The following ZSWIM6 variants were observed in gnomAD, a reference collection of about 807,000 sequenced individuals.
ZSWIM6 encodes the protein zinc finger SWIM domain-containing protein 6.
In ZSWIM6, 9 loss-of-function variants were observed where a neutral mutation model predicts 113.2. The ratio of observed to expected loss-of-function variants is 0.08; its 90% CI spans 0.05 to 0.14. The LOEUF (loss-of-function observed/expected upper bound fraction) is 0.14. Ranked by LOEUF, ZSWIM6 falls within the 10% of genes least tolerant of loss-of-function variation. The pLI, the probability that ZSWIM6 is intolerant of heterozygous loss-of-function variation, is 1.00. For missense variants in ZSWIM6, 1,162 were observed against 1,552.2 expected (o/e 0.75, Z 4.22); for synonymous variants, 611 against 606.5 (o/e 1.01, Z -0.11).
chr5:61,403,549 G>A (rs923111700), intron 1 of ZSWIM6, among the ~76,000 whole-genome samples: 10 of 152,220 alleles, frequency 6.6e-5, no homozygotes, highest in African/African-American at 2.2e-4. Context: ...TTTATTTCTC[G>A]CATGGGTGCC....
At chr5:61,371,492 G>T (rs935987566) in intron 1 of ZSWIM6, among the ~76,000 whole-genome samples, 1 of 152,156 alleles carries the variant, frequency 6.6e-6, no homozygotes, top group African/African-American at 2.4e-5. Flanking sequence ...ATTTTATTAG[G>T]CATATTAGCT....
intron 1 of ZSWIM6, among the ~76,000 whole-genome samples, chr5:61,377,576 G>A (rs1745397495): frequency 6.6e-6 from 1 of 152,020 alleles, no homozygotes; most frequent in Admixed American, 6.6e-5. Context: ...AATTAGCCGG[G>A]CGTGGCGGCA....
chr5:61,466,052 A>G (rs1363810894), intron 1 of ZSWIM6, among the ~76,000 whole-genome samples: 1 of 152,194 alleles, frequency 6.6e-6, no homozygotes, highest in East Asian at 1.9e-4. Flanking sequence ...ATGATATTTC[A>G]TACAAGTTTC....
At chr5:61,514,416 A>G (rs1748878080) in intron 4 of ZSWIM6, among the ~76,000 whole-genome samples, 1 of 151,934 alleles carries the variant, frequency 6.6e-6, no homozygotes. Flanking sequence ...GTGATGCTGA[A>G]TAGAAGTGGT....
intron 1 of ZSWIM6, among the ~76,000 whole-genome samples, chr5:61,335,429 T>C (rs781231397): frequency 1.4e-4 from 21 of 152,272 alleles, no homozygotes; most frequent in Non-Finnish European, 2.6e-4. Flanking sequence ...AGAACACTTA[T>C]GATCAGGGTT....
chr5:61,423,798 A>G (rs755273008), intron 1 of ZSWIM6, among the ~76,000 whole-genome samples: 3 of 152,248 alleles, frequency 2.0e-5, no homozygotes, highest in Non-Finnish European at 4.4e-5. Context: ...AGACTTCTTC[A>G]TATGTTTGAA....
intron 1 of ZSWIM6, among the ~76,000 whole-genome samples, chr5:61,333,225 C>G (rs978549327): frequency 5.3e-5 from 8 of 152,060 alleles, no homozygotes; most frequent in Admixed American, 5.2e-4. Context: ...CGCTCCCCTA[C>G]CCGCCCTCCT....
intron 4 of ZSWIM6, among the ~76,000 whole-genome samples, chr5:61,517,399 T>C (rs940072548): frequency 1.3e-5 from 2 of 152,174 alleles, no homozygotes; most frequent in African/African-American, 4.8e-5. Context: ...ATCTCCGTTC[T>C]GCTATTGATC....
intron 4 of ZSWIM6, among the ~76,000 whole-genome samples, chr5:61,519,926 T>C (rs1486746126): frequency 6.6e-6 from 1 of 152,170 alleles, no homozygotes; most frequent in Non-Finnish European, 1.5e-5. Context: ...ACATGCGCAT[T>C]TCACAATAGT....
chr5:61,487,099 C>T (rs1748038279), intron 2 of ZSWIM6, among the ~76,000 whole-genome samples: 1 of 151,764 alleles, frequency 6.6e-6, no homozygotes, highest in South Asian at 2.1e-4. Flanking sequence ...CAGTTTTGGT[C>T]TTCTGCATGT....
intron 1 of ZSWIM6, chr5:61,375,316 TG>T: frequency 6.2e-7 from 1 of 1,606,518 alleles, no homozygotes; most frequent in South Asian, 1.1e-5. Context: ...GAATGAGAAC[TG>T]GAAGAAAGAA....
In ZSWIM6 at chr5:61,546,038, A is replaced by G. The variant is rs1029225924; in HGVS notation, c.*1721A>G. 4 of 152,250 alleles carry G rather than the reference A, an allele frequency of 2.6e-5. No individual in the cohort carries two copies. The highest frequency in any genetic ancestry group is 9.6e-5 in the African/African-American group (4 of 41,476). The allele number at this position is 152,250 out of a possible 1,614,324, so 9.4% of individuals were successfully genotyped here. ...GTTGTAATTCATCACCCATGTAAACATGCTCATGAAGTTGAAAGTAATTAA... is the reference window on the plus strand; with the variant it reads ...GTTGTAATTCATCACCCATGTAAACGTGCTCATGAAGTTGAAAGTAATTAA... On this transcript the variant is annotated 3_prime_UTR_variant, in exon 14 of 14. Coordinates refer to ENST00000252744, the MANE Select transcript of ZSWIM6 (RefSeq NM_020928.2).
intron 1 of ZSWIM6, among the ~76,000 whole-genome samples, chr5:61,390,370 A>AT (rs1335883001): frequency 6.6e-6 from 1 of 152,210 alleles, no homozygotes; most frequent in Non-Finnish European, 1.5e-5. Context: ...TCAAATCATA[A>AT]TTTTTTAAGA....
intron 1 of ZSWIM6, among the ~76,000 whole-genome samples, chr5:61,428,100 G>A (rs1746499933): frequency 6.6e-6 from 1 of 152,040 alleles, no homozygotes; most frequent in African/African-American, 2.4e-5. Context: ...CTATGGAGGG[G>A]ACCACAGAGA....
In ZSWIM6 at chr5:61,521,189, A is replaced by C; in HGVS notation, c.1334-74A>C. On this transcript the variant is annotated intron_variant, in intron 4 of 13. Coordinates refer to ENST00000252744, the MANE Select transcript of ZSWIM6 (RefSeq NM_020928.2). The stretch of plus-strand genomic sequence containing the variant: ...ACATTTTTAAATTTTAATAAATTTA[A>C]ACAATTTAACTTGATAAAATTGGAT... 5.3e-6 allele frequency: 5 copies of C among 936,758 alleles called. 1 individual carries two copies. The South Asian group carries it at 2.8e-4, about 52-fold the overall frequency. The allele number at this position is 936,758 out of a possible 1,614,324, so 58.0% of individuals were successfully genotyped here. A position where few individuals can be genotyped will look rare whatever the true frequency, so the allele number is the denominator to read the frequency against.
chr5:61,455,085 C>T (rs1258562547), intron 1 of ZSWIM6, among the ~76,000 whole-genome samples: 1 of 151,920 alleles, frequency 6.6e-6, no homozygotes, highest in Non-Finnish European at 1.5e-5. Context: ...AAAAAAATAG[C>T]TTTCCTGTGT....
At chr5:61,444,134 T>C (rs1746896712) in intron 1 of ZSWIM6, among the ~76,000 whole-genome samples, 1 of 128,480 alleles carries the variant, frequency 7.8e-6, no homozygotes, top group Non-Finnish European at 1.6e-5. Context: ...CATGTGATGT[T>C]CCCCTTCCTG....
At chr5:61,438,493 C>T (rs1024813963) in intron 1 of ZSWIM6, among the ~76,000 whole-genome samples, 5 of 152,276 alleles carry the variant, frequency 3.3e-5, no homozygotes, top group Non-Finnish European at 5.9e-5. Context: ...GTGTGCTGTT[C>T]ATGTGTGCCT....
At chr5:61,500,609 T>C (rs963988844) in intron 4 of ZSWIM6, among the ~76,000 whole-genome samples, 6 of 152,146 alleles carry the variant, frequency 3.9e-5, no homozygotes, top group African/African-American at 1.4e-4. Flanking sequence ...CCTAGTCTAG[T>C]CGCTAATTTG....
Sources: allele counts gnomAD v4.1 joint callset (sites outside exome capture counted in the v4.1 genomes callset), GRCh38; gene constraint gnomAD v4.1.1; transcripts MANE v1.5; gene names NCBI Gene and HGNC (gene_info 2026-07-23, HGNC 2026-07-21).